The following CTNNA2 variants were observed in gnomAD, a reference collection of about 807,000 sequenced individuals.
CTNNA2 encodes the protein catenin alpha 2.
In CTNNA2, 42 loss-of-function variants were observed where a neutral mutation model predicts 101.0. The observed-to-expected ratio is 0.42, with a 90% confidence interval of 0.32 to 0.54. The LOEUF is 0.54. CTNNA2 is among the 20% of genes least tolerant of loss of function. CTNNA2 has a pLI of 0.14. For missense variants in CTNNA2, 871 were observed against 1,223.1 expected, an observed-to-expected ratio of 0.71 and a Z score of 4.29; for synonymous variants, 450 against 456.4, an observed-to-expected ratio of 0.99 and a Z score of 0.18.
At chr2:79,506,317 T>TA (rs113081681) in intron 5 of CTNNA2, among the ~76,000 whole-genome samples, 9,045 of 141,524 alleles carry the variant, frequency 0.064, 385 homozygotes, top group East Asian at 0.11. Flanking sequence ...TGTTACAAGT[T>TA]AAAAAAAAAA....
At chr2:80,225,910 A>C (rs955916880) in intron 7 of CTNNA2, among the ~76,000 whole-genome samples, 1 of 152,200 alleles carries the variant, frequency 6.6e-6, no homozygotes, top group Non-Finnish European at 1.5e-5. Context: ...AGTGATAGCT[A>C]TAACAACCAA....
intron 1 of CTNNA2, among the ~76,000 whole-genome samples, chr2:79,564,685 C>T (rs1466874734): frequency 1.3e-5 from 2 of 152,144 alleles, no homozygotes; most frequent in Non-Finnish European, 2.9e-5. Flanking sequence ...AATTGGTGAA[C>T]TCACATTTTT....
chr2:79,254,996 C>T (rs988945014), intron 2 of CTNNA2, among the ~76,000 whole-genome samples: 49 of 152,134 alleles, frequency 3.2e-4, no homozygotes, highest in African/African-American at 1.1e-3. Context: ...CAGAATCACC[C>T]TGGTGGATCT....
chr2:79,485,269 C>T (rs935683672), intron 4 of CTNNA2, among the ~76,000 whole-genome samples: 7 of 151,950 alleles, frequency 4.6e-5, no homozygotes, highest in Non-Finnish European at 1.0e-4. Context: ...AATAGAATCA[C>T]AGCATGCAAT....
chr2:79,790,533 A>G (rs1169780828), intron 3 of CTNNA2, among the ~76,000 whole-genome samples: 1 of 152,192 alleles, frequency 6.6e-6, no homozygotes, highest in African/African-American at 2.4e-5. Flanking sequence ...TGATTAAATA[A>G]ATGACCTTCT....
chr2:80,099,263 G>C (rs1235283479), intron 7 of CTNNA2, among the ~76,000 whole-genome samples: 1 of 151,928 alleles, frequency 6.6e-6, no homozygotes, highest in African/African-American at 2.4e-5. Context: ...TTTACTAGCT[G>C]AGTTTTTAGT....
chr2:79,241,702 G>A (rs1486529564), intron 2 of CTNNA2, among the ~76,000 whole-genome samples: 1 of 152,122 alleles, frequency 6.6e-6, no homozygotes, highest in African/African-American at 2.4e-5. Context: ...TCTGAAGATG[G>A]AATATTCTGC....
chr2:80,364,484 G>A (rs1674714519), intron 7 of CTNNA2, among the ~76,000 whole-genome samples: 1 of 151,300 alleles, frequency 6.6e-6, no homozygotes, highest in South Asian at 2.1e-4. Context: ...AAAATTATGG[G>A]TGTAATTTCA....
At chr2:80,535,766 C>T (rs886665074) in intron 9 of CTNNA2, among the ~76,000 whole-genome samples, 1 of 152,188 alleles carries the variant, frequency 6.6e-6, no homozygotes, top group Admixed American at 6.5e-5. Context: ...CAAATTATCC[C>T]TGCTGTTTAA....
chr2:80,598,781 T>G (rs544469962), intron 15 of CTNNA2, among the ~76,000 whole-genome samples: 2 of 152,222 alleles, frequency 1.3e-5, no homozygotes, highest in Non-Finnish European at 2.9e-5. Flanking sequence ...TCTCAAATAT[T>G]TCATACTGTA....
At chr2:80,427,374 C>T (rs2149419728) in intron 9 of CTNNA2, among the ~76,000 whole-genome samples, 1 of 152,334 alleles carries the variant, frequency 6.6e-6, no homozygotes, top group Admixed American at 6.5e-5. Flanking sequence ...TGCTACGAGG[C>T]TCCCTGAGTT....
Position 80,006,939 on chromosome 2 carries a change from T to C in CTNNA2, c.1056+97142T>C, listed in dbSNP as rs1287251647. On this transcript the variant is annotated intron_variant, in intron 7 of 18. Coordinates refer to ENST00000402739, the MANE Select transcript of CTNNA2 (RefSeq NM_001282597.3). ...CTTGCCTATGAAATCTTACCGTTCT[T>C]GAGTCCTATTTCATCAGCATCATAC... is the stretch of plus-strand genomic sequence containing the variant. Among the ~76,000 whole-genome samples, 10 of 152,210 alleles carry C rather than the reference T, an allele frequency of 6.6e-5. No homozygotes were observed. In the East Asian group the frequency reaches 1.9e-3, roughly 29 times the overall value.
chr2:79,551,935 A>C (rs1298587414), intron 1 of CTNNA2, among the ~76,000 whole-genome samples: 3 of 152,158 alleles, frequency 2.0e-5, no homozygotes, highest in Non-Finnish European at 4.4e-5. Context: ...ATAATTTGAC[A>C]TGAAATTTGG....
intron 1 of CTNNA2, among the ~76,000 whole-genome samples, chr2:79,187,793 T>A (rs1284233412): frequency 1.3e-5 from 2 of 152,210 alleles, no homozygotes; most frequent in Non-Finnish European, 2.9e-5. Context: ...AAGACTTTTG[T>A]GACTGGTTAG....
chr2:80,245,466 C>T (rs564868898), intron 7 of CTNNA2, among the ~76,000 whole-genome samples: 5 of 152,266 alleles, frequency 3.3e-5, no homozygotes, highest in South Asian at 2.1e-4. Flanking sequence ...ACATTCACAA[C>T]GAGTCTTTAT....
chr2:80,243,599 A>T (rs1480633603), intron 7 of CTNNA2, among the ~76,000 whole-genome samples: 1 of 152,152 alleles, frequency 6.6e-6, no homozygotes. Flanking sequence ...TCGTGTATCG[A>T]TGGTGATGGA....
chr2:79,944,793 A>G (rs528785761), intron 7 of CTNNA2, among the ~76,000 whole-genome samples: 13 of 152,198 alleles, frequency 8.5e-5, no homozygotes, highest in Non-Finnish European at 1.8e-4. Flanking sequence ...GAGAAGGAGA[A>G]AAAGGGCTCA....
intron 1 of CTNNA2, among the ~76,000 whole-genome samples, chr2:79,648,925 T>A (rs932704003): frequency 6.6e-6 from 1 of 152,210 alleles, no homozygotes; most frequent in Non-Finnish European, 1.5e-5. Flanking sequence ...TTTTCTTTGC[T>A]ACTGAATTTT....
intron 13 of CTNNA2, among the ~76,000 whole-genome samples, chr2:80,579,719 T>A (rs1273946795): frequency 1.3e-5 from 2 of 152,214 alleles, no homozygotes; most frequent in Non-Finnish European, 2.9e-5. Context: ...AAGAGTGATA[T>A]GCCAAAGCTT....
Sources: allele counts gnomAD v4.1 joint callset (sites outside exome capture counted in the v4.1 genomes callset), GRCh38; gene constraint gnomAD v4.1.1; transcripts MANE v1.5; gene names NCBI Gene and HGNC (gene_info 2026-07-23, HGNC 2026-07-21).